The following ZNF829 variants were observed in gnomAD, a reference collection of about 807,000 sequenced individuals.
ZNF829 encodes zinc finger protein 829.
In ZNF829, 25 loss-of-function variants were observed where a neutral mutation model predicts 35.2. That is an observed-to-expected ratio of 0.71 (90% confidence interval 0.52 to 0.99). The LOEUF (loss-of-function observed/expected upper bound fraction) is 0.99. Ranked by LOEUF, ZNF829 falls within the 50% of genes least tolerant of loss-of-function variation. The pLI is 0.00. For synonymous variants in ZNF829, 136 were observed against 163.2 expected (o/e 0.83, Z 1.27); for missense variants, 417 against 515.3 (o/e 0.81, Z 1.85).
chr19:36,911,493 T>C (rs1169204751), intron 3 of ZNF829, among the ~76,000 whole-genome samples: 1 of 152,170 alleles, frequency 6.6e-6, no homozygotes, highest in Non-Finnish European at 1.5e-5. Context: ...ATTATAGGCA[T>C]GACCAGCTGG....
chr19:36,895,992 C>A (rs889783622), intron 5 of ZNF829, among the ~76,000 whole-genome samples: 11 of 151,974 alleles, frequency 7.2e-5, no homozygotes, highest in African/African-American at 2.7e-4. Context: ...CATGACGAAA[C>A]CCTGTCTCTA....
Position 36,889,550 on chromosome 19 carries a change from C to T in ZNF829, c.*1942G>A, listed in dbSNP as rs994621360. 3.9e-5 allele frequency: 6 copies of T among 152,128 alleles called. No homozygotes were observed. Among genetic ancestry groups the T allele is most frequent in the Non-Finnish European group, 4.4e-5 (3 of 68,014 alleles). 9.4% of individuals were successfully genotyped at this position (152,128 alleles called of 1,614,324 possible). ...TTATGTGTTTCTAGGAATTTATCCA[C>T]TTCCTCTAGGTTTTCTAATATGTGC... On this transcript the variant is annotated 3_prime_UTR_variant, in exon 6 of 6. Coordinates refer to ENST00000391711, the MANE Select transcript of ZNF829 (RefSeq NM_001037232.4).
rs2146222339 is a variant in ZNF829, at chr19:36,891,378, T to C, written c.*114A>G. ...ACTTGGTACTTTGTTATCGTATCGT[T>C]TAAAAACGAATACATAGGAGAACCT... On this transcript the variant is annotated 3_prime_UTR_variant, in exon 6 of 6. Transcript: ENST00000391711. 3 of 1,139,102 alleles carry C rather than the reference T, an allele frequency of 2.6e-6. No individual in the cohort carries two copies. Among genetic ancestry groups the C allele is most frequent in the South Asian group, 4.4e-5 (2 of 45,180 alleles). 70.6% of individuals were successfully genotyped at this position (1,139,102 alleles called of 1,614,324 possible).
At position 36,907,803 on chromosome 19, in the gene ZNF829, GAA is replaced by G. The variant is rs113535347; in HGVS notation, c.319+124_319+125del. ...ATATTGGACTAGGGAAAAAGTATGA[GAA>G]AAAAAAAAAAAGTGGGATAGCTTAT... is the stretch of plus-strand genomic sequence containing the variant. On this transcript the variant is annotated intron_variant, in intron 5 of 5. Transcript: ENST00000391711. 903 of 590,920 alleles carry G rather than the reference GAA, an allele frequency of 1.5e-3. 1 individual carries two copies. Among genetic ancestry groups the G allele is most frequent in the South Asian group, 2.2e-3 (98 of 44,222 alleles). The allele number at this position is 590,920 out of a possible 1,614,324, so 36.6% of individuals were successfully genotyped here. A position where few individuals can be genotyped will look rare whatever the true frequency, so the allele number is the denominator to read the frequency against.
At position 36,891,686 on chromosome 19, in the gene ZNF829, GA is replaced by G. The variant is rs1260734440; in HGVS notation, c.1104del (p.Gln369AsnfsTer66). On this transcript the variant is annotated frameshift_variant, in exon 6 of 6. Coordinates refer to ENST00000391711, the MANE Select transcript of ZNF829 (RefSeq NM_001037232.4). LOFTEE classifies it high-confidence loss of function. Reference sequence around the variant, plus strand: ...TCATCTGTATGGATTCTCTGATGTTGAATAAGTTCTGAGCTCTGAATAAAGG... The same window carrying G: ...TCATCTGTATGGATTCTCTGATGTTGATAAGTTCTGAGCTCTGAATAAAGG... ...RKAFIQSSELIQHQRIHTDEK... is the reference protein window; with the variant it reads ...RKAFIQSSELXQHQRIHTDEK... The G allele has an allele frequency of 3.7e-6, 6 of 1,613,638 alleles. No homozygotes were observed. The highest frequency in any genetic ancestry group is 5.1e-6 in the Non-Finnish European group (6 of 1,179,884).
At chr19:36,898,923 C>T (rs1280926308) in intron 5 of ZNF829, among the ~76,000 whole-genome samples, 4 of 152,056 alleles carry the variant, frequency 2.6e-5, no homozygotes, top group Non-Finnish European at 5.9e-5. Flanking sequence ...ATAGGGGAAA[C>T]ACTTCAGAAG....
intron 4 of ZNF829, 46 bp downstream of exon 4, chr19:36,908,287 C>A: frequency 6.3e-7 from 1 of 1,575,080 alleles, no homozygotes; most frequent in South Asian, 1.2e-5. Flanking sequence ...AGAAAGGAGA[C>A]ACTTCCAAGG....
chr19:36,899,204 C>T (rs2073139721), intron 5 of ZNF829, among the ~76,000 whole-genome samples: 1 of 152,172 alleles, frequency 6.6e-6, no homozygotes, highest in East Asian at 1.9e-4. Context: ...CATTGGGAGG[C>T]CAAGTCAGGA....
intron 3 of ZNF829, 72 bp downstream of exon 3, chr19:36,914,893 T>A: frequency 6.8e-7 from 1 of 1,463,702 alleles, no homozygotes; most frequent in Non-Finnish European, 9.5e-7. Flanking sequence ...GGGAAAATTA[T>A]AGGGACCTAT....
Position 36,892,149 on chromosome 19 carries a change from ACATT to A in ZNF829, c.638_641del (p.Glu213ValfsTer74). ...AACTAAAAGCCTTGCCACATTCCTT[ACATT>A]CATAGGGTTTTTTACCAGTGTGAAT... On this transcript the variant is annotated frameshift_variant, in exon 6 of 6. Coordinates refer to ENST00000391711, the MANE Select transcript of ZNF829 (RefSeq NM_001037232.4). LOFTEE classifies it high-confidence loss of function. 6.2e-6 allele frequency: 10 copies of A among 1,614,092 alleles called. No individual in the cohort carries two copies. The highest frequency in any genetic ancestry group is 8.5e-6 in the Non-Finnish European group (10 of 1,179,994).
intron 5 of ZNF829, among the ~76,000 whole-genome samples, chr19:36,902,837 A>ACC (rs1482906131): frequency 6.6e-6 from 1 of 152,102 alleles, no homozygotes; most frequent in Non-Finnish European, 1.5e-5. Context: ...GGAGTTAGAG[A>ACC]CCAACCTGGG....
intron 4 of ZNF829, 84 bp from the exon 5 acceptor site, chr19:36,908,108 G>C: frequency 7.7e-7 from 1 of 1,305,370 alleles, no homozygotes; most frequent in Non-Finnish European, 1.1e-6. Flanking sequence ...TCAAAGGAGA[G>C]ATGCCACTAC....
At position 36,915,252 on chromosome 19, in the gene ZNF829, C is replaced by G; in HGVS notation, c.-84-1G>C. On this transcript the variant is annotated splice_acceptor_variant, in intron 1 of 5. Transcript: ENST00000391711. LOFTEE classifies it low-confidence loss of function (5UTR_SPLICE). ...TCTGACCAGACCTCAGAGAGGTTTCCTAGAGACAGAGTTCTGGAGTCACAA... is the reference window on the plus strand; with the variant it reads ...TCTGACCAGACCTCAGAGAGGTTTCGTAGAGACAGAGTTCTGGAGTCACAA... 1 of 1,610,132 alleles carries G rather than the reference C, an allele frequency of 6.2e-7. No homozygotes were observed. Among genetic ancestry groups the G allele is most frequent in the Non-Finnish European group, 8.5e-7 (1 of 1,178,256 alleles).
chr19:36,907,087 C>CAAAAAAAA (rs1158970593), intron 5 of ZNF829: 3 of 23,712 alleles, frequency 1.3e-4, no homozygotes, highest in South Asian at 1.8e-3. Context: ...GACTCCATCT[C>CAAAAAAAA]AAAAAAAAAA....
rs1279450843 is a variant in ZNF829, at chr19:36,890,505, A to G, written c.*987T>C. On this transcript the variant is annotated 3_prime_UTR_variant, in exon 6 of 6. Transcript: ENST00000391711. ...CTTCTTGTTGAATTTATCCTTTATC[A>G]TTATAAATGACCTTCTTTGTCCTTT... 6.6e-6 allele frequency: 1 copy of G among 151,906 alleles called. No individual in the cohort carries two copies. Among genetic ancestry groups the G allele is most frequent in the Non-Finnish European group, 1.5e-5 (1 of 67,968 alleles). 9.4% of individuals were successfully genotyped at this position (151,906 alleles called of 1,614,324 possible). A position where few individuals can be genotyped will look rare whatever the true frequency, so the allele number is the denominator to read the frequency against.
Position 36,889,922 on chromosome 19 carries a change from CTT to C in ZNF829, c.*1568_*1569del, listed in dbSNP as rs940937863. The C allele has an allele frequency of 2.6e-4, 40 of 152,172 alleles. No individual in the cohort carries two copies. The highest frequency in any genetic ancestry group is 9.2e-4 in the African/African-American group (38 of 41,450). 9.4% of individuals were successfully genotyped at this position (152,172 alleles called of 1,614,324 possible). ...GGCATTTAATGCTATAAAATCCTCT[CTT>C]AGCACTGCTTTTGCTGTATCTCAGA... On this transcript the variant is annotated 3_prime_UTR_variant, in exon 6 of 6. Transcript: ENST00000391711.
Position 36,916,251 on chromosome 19 carries a change from G to A in ZNF829, c.-325C>T. On this transcript the variant is annotated 5_prime_UTR_variant, in exon 1 of 6. Transcript: ENST00000391711. This position sits in a 1 kb window ranked among gnomAD's most constrained non-coding sequence, Gnocchi z 5.3. ...TGGAGATGAGCCTCCCGGGGAACCCGGCCCAAGCCTCACCCTCACACAGGA... is the reference window on the plus strand; with the variant it reads ...TGGAGATGAGCCTCCCGGGGAACCCAGCCCAAGCCTCACCCTCACACAGGA... The A allele has an allele frequency of 2.9e-6, 1 of 345,336 alleles. No homozygotes were observed. The highest frequency in any genetic ancestry group is 5.3e-6 in the Non-Finnish European group (1 of 189,730). The allele number at this position is 345,336 out of a possible 1,614,324, so 21.4% of individuals were successfully genotyped here.
Position 36,916,280 on chromosome 19 carries a change from C to G in ZNF829, c.-354G>C, listed in dbSNP as rs2073329404. 1 of 262,858 alleles carries G rather than the reference C, an allele frequency of 3.8e-6. No homozygotes were observed. The highest frequency in any genetic ancestry group is 7.2e-6 in the Non-Finnish European group (1 of 138,916). 16.3% of individuals were successfully genotyped at this position (262,858 alleles called of 1,614,324 possible). On this transcript the variant is annotated 5_prime_UTR_variant, in exon 1 of 6. Transcript: ENST00000391711. This position sits in a 1 kb window ranked among gnomAD's most constrained non-coding sequence, Gnocchi z 5.3. ...CAAGCCTCACCCTCACACAGGAAAG[C>G]AGATGTGTTCTGGCCGGAAGTTGAG...
intron 5 of ZNF829, among the ~76,000 whole-genome samples, chr19:36,904,832 C>T (rs957538754): frequency 2.0e-5 from 3 of 151,902 alleles, no homozygotes; most frequent in Non-Finnish European, 2.9e-5. Flanking sequence ...TACAAAGGTA[C>T]AAGGTTAAGG....
Sources: allele counts gnomAD v4.1 joint callset (sites outside exome capture counted in the v4.1 genomes callset), GRCh38; gene constraint gnomAD v4.1.1; non-coding constraint Gnocchi (gnomAD v3.1); transcripts MANE v1.5; gene names NCBI Gene and HGNC (gene_info 2026-07-23, HGNC 2026-07-21).